The following JAML variants were observed in gnomAD, a reference collection of about 807,000 sequenced individuals.
The protein encoded by JAML is junction adhesion molecule like, also known as junctional adhesion molecule-like.
A neutral mutation model predicts 39.3 loss-of-function variants in JAML; 25 were observed. That is an observed-to-expected ratio of 0.64 (90% CI 0.46 to 0.89). The LOEUF is 0.89. Ranked by LOEUF, JAML falls within the 40% of genes least tolerant of loss-of-function variation. The probability of loss-of-function intolerance (pLI) is 0.00; values close to 1 mark genes in which losing one functional copy is unlikely to be tolerated. For synonymous variants in JAML, 162 were observed against 179.2 expected (o/e 0.90, Z 0.77); for missense variants, 440 against 486.9 (o/e 0.90, Z 0.91).
At chr11:118,205,692 CTTCTTG>C (rs983356891) in intron 5 of JAML, 184 bp downstream of exon 5, 25 of 580,448 alleles carry the variant, frequency 4.3e-5, no homozygotes, top group Non-Finnish European at 7.1e-5. Context: ...TCATCATCAT[CTTCTTG>C]TTCTTGTTCT....
At position 118,194,176 on chromosome 11, in the gene JAML, CA is replaced by C; in HGVS notation, c.*148del. The C allele has an allele frequency of 1.4e-6, 1 of 698,548 alleles. No homozygotes were observed. Among genetic ancestry groups the C allele is most frequent in the African/African-American group, 1.8e-5 (1 of 56,452 alleles). The allele number at this position is 698,548 out of a possible 1,614,324, so 43.3% of individuals were successfully genotyped here. On this transcript the variant is annotated 3_prime_UTR_variant, in exon 10 of 10. Coordinates refer to ENST00000356289, the MANE Select transcript of JAML (RefSeq NM_001098526.2). ...GCTGTCCAGTCTCTCTGCCAGGCTC[CA>C]AATTCTCCATCTTCAGTGTATTGAC... is the stretch of plus-strand genomic sequence containing the variant.
At chr11:118,210,401 C>T in intron 4 of JAML, 86 bp downstream of exon 4, 1 of 1,315,526 alleles carries the variant, frequency 7.6e-7, no homozygotes, top group Non-Finnish European at 1.1e-6. Flanking sequence ...CAAAGGCTGG[C>T]ATTTACTCAA....
intron 1 of JAML, among the ~76,000 whole-genome samples, chr11:118,223,379 C>G (rs1949229509): frequency 6.6e-6 from 1 of 152,028 alleles, no homozygotes; most frequent in African/African-American, 2.4e-5. Flanking sequence ...GGACGTTTTA[C>G]CTTATGGTCA....
intron 4 of JAML, among the ~76,000 whole-genome samples, chr11:118,207,221 A>G (rs1305774937): frequency 6.6e-6 from 1 of 152,258 alleles, no homozygotes; most frequent in Non-Finnish European, 1.5e-5. Context: ...TTAAAATGCA[A>G]TAATAACAAC....
intron 1 of JAML, among the ~76,000 whole-genome samples, chr11:118,221,280 G>C (rs1232393228): frequency 6.6e-6 from 1 of 152,004 alleles, no homozygotes. Context: ...AACTCCTCCC[G>C]GAAAAAAACA....
At position 118,212,413 on chromosome 11, in the gene JAML, G is replaced by A. The variant is rs772046026; in HGVS notation, c.192C>T (p.His64=). 5.0e-5 allele frequency: 80 copies of A among 1,613,796 alleles called. No homozygotes were observed. The highest frequency in any genetic ancestry group is 2.4e-4 in the African/African-American group (18 of 74,890). Residue 64 remains histidine (H), a synonymous_variant, in exon 3 of 10, where the codon CAC becomes CAT. Transcript: ENST00000356289. ...KIDWTLSPGE[H]AKDEYVLYYY... ...GATGTTTCCCCCGCGTTACCTTGGC[G>A]TGCTCTCCTGGTGACAGAGTCCAGT... is the stretch of plus-strand genomic sequence containing the variant.
intron 5 of JAML, chr11:118,205,289 C>T (rs1806): frequency 0.53 from 81,390 of 152,176 alleles, 22,128 homozygotes; most frequent in South Asian, 0.75. Flanking sequence ...CATAAATATA[C>T]GACCACATCA....
chr11:118,200,437 C>A, intron 7 of JAML, 37 bp downstream of exon 7: 1 of 1,611,628 alleles, frequency 6.2e-7, no homozygotes, highest in Non-Finnish European at 8.5e-7. Flanking sequence ...CTTGCACCCC[C>A]AGCCTCCCAA....
intron 4 of JAML, 134 bp downstream of exon 4, chr11:118,210,353 C>G: frequency 1.6e-6 from 1 of 630,810 alleles, no homozygotes; most frequent in Non-Finnish European, 2.7e-6. Flanking sequence ...TAATTATGAT[C>G]ATTTTTTGAA....
At position 118,200,602 on chromosome 11, in the gene JAML, G is replaced by A; in HGVS notation, c.783C>T (p.Thr261=). The A allele has an allele frequency of 6.2e-7, 1 of 1,614,104 alleles. No individual in the cohort carries two copies. Among genetic ancestry groups the A allele is most frequent in the Non-Finnish European group, 8.5e-7 (1 of 1,180,014 alleles). ...AGACCAGAGGCCTCAGGGCTGCCGGGGTCACCAGTGCTTGGGAAAGTAGAA... is the reference window on the plus strand; with the variant it reads ...AGACCAGAGGCCTCAGGGCTGCCGGAGTCACCAGTGCTTGGGAAAGTAGAA... The part of the protein sequence containing the change: ...VSPEEPRTLV[T]PAALRPLVLG... Residue 261 remains threonine, a synonymous_variant, in exon 7 of 10, where the codon ACC becomes ACT. Transcript: ENST00000356289.
chr11:118,218,157 G>A (rs964106791), intron 1 of JAML, among the ~76,000 whole-genome samples: 4 of 152,092 alleles, frequency 2.6e-5, no homozygotes, highest in Non-Finnish European at 4.4e-5. Flanking sequence ...GCAATGGCAC[G>A]ATCTCAGCTC....
At chr11:118,203,159 G>A in intron 6 of JAML, 1 of 602,886 alleles carries the variant, frequency 1.7e-6, no homozygotes, top group South Asian at 1.5e-5. Flanking sequence ...GCAATGAGTG[G>A]GGTCTGGCAG....
intron 8 of JAML, chr11:118,197,625 A>T (rs1302286300): frequency 5.5e-6 from 1 of 182,946 alleles, no homozygotes; most frequent in Non-Finnish European, 1.2e-5. Context: ...ATTACAAAGC[A>T]TTTGCATATC....
At chr11:118,220,453 C>T (rs930746711) in intron 1 of JAML, among the ~76,000 whole-genome samples, 5 of 152,206 alleles carry the variant, frequency 3.3e-5, no homozygotes, top group African/African-American at 9.6e-5. Context: ...CACCATGGGA[C>T]AAATCCCATC....
chr11:118,202,588 A>G (rs1948827552), intron 6 of JAML: 1 of 217,468 alleles, frequency 4.6e-6, no homozygotes, highest in Non-Finnish European at 9.5e-6. Flanking sequence ...GAGAAGCTGC[A>G]TGAGCCCCCA....
chr11:118,205,924 G>T lies in JAML; in HGVS notation c.492C>A (p.His164Gln), dbSNP rs757328699. Residue 164 changes from histidine (H) to glutamine (Q), a missense_variant, in exon 5 of 10, where the codon CAC becomes CAA. Coordinates refer to ENST00000356289, the MANE Select transcript of JAML (RefSeq NM_001098526.2). ...AAAATATCCATTCTACCTTGGTCAC[G>T]TGTTTCACTTCTGTGCTCTGGAAAA... ...GCVFQSTEVK[H>Q]VTKVEWIFSG... 3.1e-6 allele frequency: 5 copies of T among 1,614,062 alleles called. No individual in the cohort carries two copies. The highest frequency in any genetic ancestry group is 8.5e-7 in the Non-Finnish European group (1 of 1,179,980).
At chr11:118,213,359 T>C in intron 2 of JAML, 1 of 997,974 alleles carries the variant, frequency 1.0e-6, no homozygotes, top group Non-Finnish European at 1.2e-6. Flanking sequence ...AGCCAAGTGA[T>C]GGGAATGAAC....
intron 1 of JAML, among the ~76,000 whole-genome samples, chr11:118,221,347 C>T (rs1327557202): frequency 6.6e-6 from 1 of 152,132 alleles, no homozygotes; most frequent in Admixed American, 6.5e-5. Flanking sequence ...GCACCGGGGA[C>T]AATTTTTCCC....
chr11:118,195,031 G>T (rs1028267895), intron 9 of JAML, among the ~76,000 whole-genome samples: 6 of 152,086 alleles, frequency 3.9e-5, no homozygotes, highest in Non-Finnish European at 8.8e-5. Flanking sequence ...AACCATAATC[G>T]CCTAGCATTA....
Sources: allele counts gnomAD v4.1 joint callset (sites outside exome capture counted in the v4.1 genomes callset), GRCh38; gene constraint gnomAD v4.1.1; transcripts MANE v1.5; gene names NCBI Gene and HGNC (gene_info 2026-07-23, HGNC 2026-07-21).